Variants in CSMD3 observed in about 807,000 individuals in gnomAD.
CSMD3 encodes the protein CUB and Sushi multiple domains 3.
A neutral mutation model predicts 435.2 loss-of-function variants in CSMD3; 177 were observed. The ratio of observed to expected loss-of-function variants is 0.41; its 90% CI spans 0.36 to 0.46. The LOEUF (loss-of-function observed/expected upper bound fraction) is 0.46, where lower values mean the gene tolerates loss of function less well. CSMD3 is among the 20% of genes least tolerant of loss of function. The probability of loss-of-function intolerance (pLI) is 0.34; values close to 1 mark genes in which losing one functional copy is unlikely to be tolerated. For missense variants in CSMD3, 4,265 were observed against 4,504.6 expected (o/e 0.95, Z 1.52); for synonymous variants, 1,656 against 1,520.5 (o/e 1.09, Z -2.07).
At chr8:113,164,778 AAG>A (rs1173454690) in intron 4 of CSMD3, among the ~76,000 whole-genome samples, 1 of 152,110 alleles carries the variant, frequency 6.6e-6, no homozygotes, top group Non-Finnish European at 1.5e-5. Flanking sequence ...CAGGAAAAAA[AAG>A]AGAACAAGAC....
chr8:113,119,165 C>A (rs1283497427), intron 4 of CSMD3, among the ~76,000 whole-genome samples: 1 of 152,064 alleles, frequency 6.6e-6, no homozygotes, highest in East Asian at 1.9e-4. Context: ...GACTTTGAAC[C>A]TATTTTTCCC....
chr8:112,997,094 G>T (rs1307158100), intron 6 of CSMD3, among the ~76,000 whole-genome samples: 1 of 151,546 alleles, frequency 6.6e-6, no homozygotes, highest in African/African-American at 2.4e-5. Context: ...ATCATAAGTT[G>T]TAATGATGAA....
chr8:112,877,152 A>T (rs1362445064), intron 10 of CSMD3, among the ~76,000 whole-genome samples: 1 of 152,222 alleles, frequency 6.6e-6, no homozygotes, highest in Non-Finnish European at 1.5e-5. Flanking sequence ...ATGGATAGGA[A>T]GAATCAATAT....
rs1036963991 is a variant in CSMD3 at position 112,875,495 on chromosome 8, T to A, written c.1634-16229A>T. ...GCTAGGTTGGGGAAGTCCTCCTGGA[T>A]AATACCCTGAAGAGTGTTTTCCAAC... On this transcript the variant is annotated intron_variant, in intron 10 of 70. Transcript: ENST00000297405. Among the ~76,000 whole-genome samples, 18 of 152,174 alleles carry A rather than the reference T, an allele frequency of 1.2e-4. 1 individual carries two copies. Among genetic ancestry groups the A allele is most frequent in the Admixed American group, 2.6e-4 (4 of 15,266 alleles).
chr8:113,222,297 A>G (rs1294884413), intron 3 of CSMD3, among the ~76,000 whole-genome samples: 1 of 151,080 alleles, frequency 6.6e-6, no homozygotes, highest in African/African-American at 2.4e-5. Flanking sequence ...ATCAGTAAAA[A>G]CAGGGAAGAT....
intron 14 of CSMD3, among the ~76,000 whole-genome samples, chr8:112,686,054 A>G (rs1264370137): frequency 6.6e-6 from 1 of 152,172 alleles, no homozygotes; most frequent in African/African-American, 2.4e-5. Context: ...AAATATACAG[A>G]AGTTCCCATA....
chr8:113,081,202 G>A (rs962932335), intron 5 of CSMD3, among the ~76,000 whole-genome samples: 2 of 152,052 alleles, frequency 1.3e-5, no homozygotes, highest in Non-Finnish European at 2.9e-5. Flanking sequence ...TTAAATAATA[G>A]AATTTTATTT....
Position 113,277,780 on chromosome 8 carries a change from T to A in CSMD3, c.514+812A>T, listed in dbSNP as rs114016830. Reference sequence around the variant, plus strand: ...CCTAAATTAGATGGAAATTTTATTGTCAAATCACATAGATAAGAAATGATA... The same window carrying A: ...CCTAAATTAGATGGAAATTTTATTGACAAATCACATAGATAAGAAATGATA... On this transcript the variant is annotated intron_variant, in intron 3 of 70. Transcript: ENST00000297405. Among the ~76,000 whole-genome samples the A allele has an allele frequency of 6.2e-3, 947 of 152,076 alleles. 8 individuals are homozygous for A. The highest frequency in any genetic ancestry group is 0.022 in the African/African-American group (904 of 41,534).
intron 53 of CSMD3, among the ~76,000 whole-genome samples, chr8:112,299,921 C>T (rs909282075): frequency 6.6e-6 from 1 of 151,384 alleles, no homozygotes; most frequent in African/African-American, 2.4e-5. Flanking sequence ...CCTGTCTTTC[C>T]AGAGAACAGA....
intron 22 of CSMD3, among the ~76,000 whole-genome samples, chr8:112,634,025 G>T (rs2074588300): frequency 6.6e-6 from 1 of 151,918 alleles, no homozygotes; most frequent in Admixed American, 6.6e-5. Flanking sequence ...TGTTAACCTA[G>T]GCTTTCTATG....
chr8:112,800,518 A>G (rs2132331726), intron 12 of CSMD3, among the ~76,000 whole-genome samples: 1 of 152,116 alleles, frequency 6.6e-6, no homozygotes, highest in Non-Finnish European at 1.5e-5. Context: ...CAAGGTCATG[A>G]TATTTTAGAC....
chr8:112,767,711 C>T (rs2078013950), intron 13 of CSMD3, among the ~76,000 whole-genome samples: 1 of 151,704 alleles, frequency 6.6e-6, no homozygotes, highest in African/African-American at 2.4e-5. Flanking sequence ...ATGTCCAACT[C>T]TTCTGTATAT....
Position 112,838,659 on chromosome 8 carries a change from G to A in CSMD3, c.1756-8870C>T, listed in dbSNP as rs77035235. Among the ~76,000 whole-genome samples the A allele has an allele frequency of 8.0e-3, 1,209 of 151,794 alleles. 6 individuals carry two copies. Among genetic ancestry groups the A allele is most frequent in the Middle Eastern group, 0.014 (4 of 294 alleles). ...ACTGTCTTATCAAATGTTATTGCTT[G>A]TAAATGTCTAATGCAGAGAGAGCAA... On this transcript the variant is annotated intron_variant, in intron 11 of 70. Transcript: ENST00000297405.
intron 57 of CSMD3, among the ~76,000 whole-genome samples, 161 bp from the exon 58 acceptor site, chr8:112,287,407 A>G (rs572536767): frequency 6.6e-6 from 1 of 151,878 alleles, no homozygotes; most frequent in African/African-American, 2.4e-5. Flanking sequence ...TCCAGTCATT[A>G]AAAAAAAGTG....
Position 113,286,698 on chromosome 8 carries a change from T to C in CSMD3, c.402-7994A>G, listed in dbSNP as rs528341422. Among the ~76,000 whole-genome samples the C allele has an allele frequency of 1.4e-4, 21 of 146,014 alleles. 1 individual carries two copies. The South Asian group carries it at 3.7e-3, about 25-fold the overall frequency. Reference sequence around the variant, plus strand: ...AGAACGACCACACATATACATTCTCTAAGAATGTAAAAAAAAAAGACTCTA... The same window carrying C: ...AGAACGACCACACATATACATTCTCCAAGAATGTAAAAAAAAAAGACTCTA... On this transcript the variant is annotated intron_variant, in intron 2 of 70. Transcript: ENST00000297405.
chr8:113,330,691 G>A (rs756972441), intron 1 of CSMD3, among the ~76,000 whole-genome samples: 1 of 151,362 alleles, frequency 6.6e-6, no homozygotes, highest in Non-Finnish European at 1.5e-5. Flanking sequence ...TTGTTACAGA[G>A]GTAAATGAAT....
At chr8:112,468,765 T>G (rs1818228995) in intron 32 of CSMD3, among the ~76,000 whole-genome samples, 1 of 152,080 alleles carries the variant, frequency 6.6e-6, no homozygotes, top group South Asian at 2.1e-4. Context: ...TAAGTAGGAT[T>G]TTTTAAATCC....
chr8:113,307,142 A>G (rs2093827843), intron 2 of CSMD3, among the ~76,000 whole-genome samples: 1 of 152,124 alleles, frequency 6.6e-6, no homozygotes, highest in South Asian at 2.1e-4. Flanking sequence ...GAGAAGAGTA[A>G]TATTACTGTA....
At chr8:112,957,569 T>G (rs938950574) in intron 7 of CSMD3, among the ~76,000 whole-genome samples, 2 of 143,834 alleles carry the variant, frequency 1.4e-5, no homozygotes, top group African/African-American at 5.2e-5. Flanking sequence ...TTCTCCTGCC[T>G]CAGCCCCTCG....
Sources: allele counts gnomAD v4.1 joint callset (sites outside exome capture counted in the v4.1 genomes callset), GRCh38; gene constraint gnomAD v4.1.1; transcripts MANE v1.5; gene names NCBI Gene and HGNC (gene_info 2026-07-23, HGNC 2026-07-21).